Variants in FREM1 observed in about 807,000 individuals in gnomAD.
The protein encoded by FREM1 is FRAS1 related extracellular matrix 1, also known as FRAS1-related extracellular matrix protein 1.
FREM1 carries 220 observed loss-of-function variants against 210.1 expected under a neutral mutation model. That is an observed-to-expected ratio of 1.05 (90% confidence interval 0.94 to 1.17). The LOEUF is 1.17. Ranked by LOEUF, FREM1 falls within the 50% of genes most tolerant of loss-of-function variation. FREM1 has a pLI of 0.00. For missense variants in FREM1, 3,454 were observed against 2,675.5 expected (o/e 1.29, Z -6.42); for synonymous variants, 1,189 against 980.2 (o/e 1.21, Z -3.98).
chr9:14,746,784 T>C, intron 34 of FREM1, 139 bp downstream of exon 34: 1 of 1,039,002 alleles, frequency 9.6e-7, no homozygotes, highest in Non-Finnish European at 1.4e-6. Context: ...GGCCATTTTT[T>C]CCTCTTGGCC....
At chr9:14,819,657 C>G (rs1477021715) in intron 13 of FREM1, among the ~76,000 whole-genome samples, 1 of 152,152 alleles carries the variant, frequency 6.6e-6, no homozygotes, top group Admixed American at 6.5e-5. Context: ...TACAAGGAAA[C>G]AAGGCAGATC....
chr9:14,823,245 A>G lies in FREM1; in HGVS notation c.2252T>C (p.Phe751Ser). ...ACCGCCATGTTGGTTACTGACAGAA[A>G]ATGTGAACTGGACATCTCTGCAATG... is the stretch of plus-strand genomic sequence containing the variant. ...GPHCRDVQFT[F>S]SVSNQHGGTL... is the part of the protein sequence containing the mutation. The change falls in exon 13 of 37, where the codon TTT (phenylalanine) becomes TCT (serine). Residue 751 changes from phenylalanine to serine, a missense_variant. Phe to Ser is a radical substitution (Grantham distance 155). Coordinates refer to ENST00000380880, the MANE Select transcript of FREM1 (RefSeq NM_001379081.2). 1 of 1,613,958 alleles carries G rather than the reference A, an allele frequency of 6.2e-7. No homozygotes were observed. Among genetic ancestry groups the G allele is most frequent in the Non-Finnish European group, 8.5e-7 (1 of 1,179,842 alleles).
intron 1 of FREM1, among the ~76,000 whole-genome samples, chr9:14,892,907 G>C (rs1837101888): frequency 6.6e-6 from 1 of 152,162 alleles, no homozygotes; most frequent in South Asian, 2.1e-4. Flanking sequence ...ACCACGAGTT[G>C]AAATTCCTGG....
intron 29 of FREM1, among the ~76,000 whole-genome samples, chr9:14,755,689 C>G (rs1844213350): frequency 6.6e-6 from 1 of 152,186 alleles, no homozygotes; most frequent in Non-Finnish European, 1.5e-5. Flanking sequence ...TTTTCTTCTT[C>G]ATCTAAATGC....
At chr9:14,898,008 A>C (rs1422083401) in intron 1 of FREM1, among the ~76,000 whole-genome samples, 1 of 152,176 alleles carries the variant, frequency 6.6e-6, no homozygotes, top group Non-Finnish European at 1.5e-5. Context: ...CTTTCTTACA[A>C]ATAACTTTGT....
intron 7 of FREM1, among the ~76,000 whole-genome samples, chr9:14,847,438 G>A (rs28468394): frequency 0.35 from 10,118 of 28,894 alleles, 956 homozygotes; most frequent in East Asian, 0.57. Context: ...GGGAGGGAGG[G>A]AGGGAGGGAG....
At chr9:14,860,583 A>ATACC (rs1208920379) in intron 3 of FREM1, among the ~76,000 whole-genome samples, 2,530 of 130,654 alleles carry the variant, frequency 0.019, 391 homozygotes, top group African/African-American at 0.084. Context: ...ATATATATAC[A>ATACC]CATATATATA....
rs368689841 is a variant in FREM1, at chr9:14,860,826, C to CGTAT, written c.330-1343_330-1342insATAC. On this transcript the variant is annotated intron_variant, in intron 3 of 36. Transcript: ENST00000380880. ...ATATATACATATATACACATATATA[C>CGTAT]ATATATACGTATATATACATATATA... 1.0e-3 allele frequency among the ~76,000 whole-genome samples: 84 copies of CGTAT among 83,666 alleles called. 4 individuals carry two copies. Among genetic ancestry groups the CGTAT allele is most frequent in the African/African-American group, 3.2e-3 (56 of 17,334 alleles). The allele number at this position is 83,666 out of a possible 152,430, so 54.9% of individuals were successfully genotyped here.
Position 14,824,024 on chromosome 9 carries a change from C to G in FREM1, c.2169+1G>C. 1 of 1,575,332 alleles carries G rather than the reference C, an allele frequency of 6.3e-7. No individual in the cohort carries two copies. Among genetic ancestry groups the G allele is most frequent in the Non-Finnish European group, 8.7e-7 (1 of 1,154,398 alleles). ...GTCAGCATTTTAGCATATCCTCATA[C>G]CTGAGTGAATGACCTCAGCTCCAGG... On this transcript the variant is annotated splice_donor_variant, in intron 12 of 36. Transcript: ENST00000380880. LOFTEE classifies it high-confidence loss of function.
chr9:14,747,001 G>A lies in FREM1; in HGVS notation c.6060C>T (p.Leu2020=), dbSNP rs1183445696. 3 of 1,613,166 alleles carry A rather than the reference G, an allele frequency of 1.9e-6. No homozygotes were observed. The highest frequency in any genetic ancestry group is 2.5e-6 in the Non-Finnish European group (3 of 1,179,566). The change falls in exon 34 of 37, where the codon CTC becomes CTT. Residue 2020 remains leucine, a synonymous_variant. Transcript: ENST00000380880. ...PKNCTLELKG[L]FHFEEGIQKL... ...TCTGGATGCCTTCTTCAAAATGGAA[G>A]AGTCCCTTTAATTCCAGAGTGCAGT...
intron 24 of FREM1, chr9:14,782,449 A>G (rs1849781482): frequency 2.0e-6 from 1 of 507,314 alleles, no homozygotes; most frequent in South Asian, 8.8e-5. Flanking sequence ...GACAGTCACT[A>G]ATGTCTTCAG....
Position 14,830,735 on chromosome 9 carries a change from G to T in FREM1, c.1882-5743C>A, listed in dbSNP as rs996317229. ...GCTCCACTCCTTAAAACCACTCCAC[G>T]TGTGTCCGTGTCGTTTTATCTAAAC... On this transcript the variant is annotated intron_variant, in intron 10 of 36. Transcript: ENST00000380880. Among the ~76,000 whole-genome samples the T allele has an allele frequency of 5.9e-5, 9 of 151,992 alleles. No homozygotes were observed. The South Asian group carries it at 1.0e-3, about 18-fold the overall frequency.
rs1428782852 is a variant in FREM1, at chr9:14,868,871, TTCA to T, written c.104_106del (p.Met35del). Reference sequence around the variant, plus strand: ...TCCTGACAGGAAGGCAGAGTGGCCCTTCATCACCCTCACCCCGCGGTTGATGCT... The same window carrying T: ...TCCTGACAGGAAGGCAGAGTGGCCCTTCACCCTCACCCCGCGGTTGATGCT... On this transcript the variant is annotated inframe_deletion, in exon 2 of 37. Transcript: ENST00000380880. 5 of 1,607,988 alleles carry T rather than the reference TTCA, an allele frequency of 3.1e-6. No individual in the cohort carries two copies. Among genetic ancestry groups the T allele is most frequent in the Non-Finnish European group, 4.2e-6 (5 of 1,177,004 alleles).
intron 27 of FREM1, among the ~76,000 whole-genome samples, chr9:14,764,088 C>T (rs989875316): frequency 6.6e-5 from 10 of 152,104 alleles, no homozygotes. Context: ...GTGGTTTCCA[C>T]CATACTGTTC....
In FREM1 at chr9:14,792,846, A is replaced by G. The variant is rs1487819415; in HGVS notation, c.3878T>C (p.Ile1293Thr). The change falls in exon 22 of 37, where the codon ATT (isoleucine) becomes ACT (threonine). Residue 1293 changes from isoleucine (I) to threonine (T), a missense_variant. Physicochemically the swap from Ile to Thr is moderately conservative, Grantham distance 89 (BLOSUM62 -1). Transcript: ENST00000380880. Reference sequence around the variant, plus strand: ...GGCTGAAAGAATAGCACTGGAAATAATACGAGTTTCACCCATATTCATTGC... The same window carrying G: ...GGCTGAAAGAATAGCACTGGAAATAGTACGAGTTTCACCCATATTCATTGC... ...EIAMNMGETR[I>T]ISSAILSAID... 1 of 1,596,962 alleles carries G rather than the reference A, an allele frequency of 6.3e-7. No individual in the cohort carries two copies. The highest frequency in any genetic ancestry group is 1.1e-5 in the South Asian group (1 of 88,168).
intron 10 of FREM1, among the ~76,000 whole-genome samples, chr9:14,831,393 T>C (rs1367548022): frequency 2.0e-5 from 3 of 152,246 alleles, no homozygotes; most frequent in Non-Finnish European, 4.4e-5. Context: ...AGCCACCTGG[T>C]AGAAATCAGG....
intron 1 of FREM1, among the ~76,000 whole-genome samples, chr9:14,884,055 C>T (rs966359149): frequency 6.6e-6 from 1 of 152,118 alleles, no homozygotes; most frequent in African/African-American, 2.4e-5. Context: ...ACGGCGAAAC[C>T]CTGCCTCTAC....
intron 27 of FREM1, among the ~76,000 whole-genome samples, chr9:14,764,290 C>T (rs1323180250): frequency 1.3e-5 from 2 of 152,182 alleles, no homozygotes; most frequent in Non-Finnish European, 2.9e-5. Flanking sequence ...ATTACCCAGT[C>T]TCAGGTATGT....
Position 14,842,500 on chromosome 9 carries a change from A to G in FREM1, c.1554T>C (p.Asp518=), listed in dbSNP as rs1400977174. The change falls in exon 9 of 37, where the codon GAT becomes GAC. Residue 518 remains aspartate, a synonymous_variant. Transcript: ENST00000380880. ...TGGTTATGAGGAACGGGGGACTATC[A>G]TCTTTGGGCAAGACGTTGATGGGGA... ...HKFPINVLPK[D]DSPPFLITNV... 6.2e-7 allele frequency: 1 copy of G among 1,614,048 alleles called. No homozygotes were observed. Among genetic ancestry groups the G allele is most frequent in the Non-Finnish European group, 8.5e-7 (1 of 1,179,894 alleles).
Sources: gnomAD v4.1 joint callset for allele counts (sites outside exome capture counted in the v4.1 genomes callset) on GRCh38, gnomAD v4.1.1 for gene constraint, MANE v1.5 for transcripts, NCBI Gene and HGNC (gene_info 2026-07-23, HGNC 2026-07-21) for gene names.